FGF7: variants seen among roughly 807,000 people sequenced by gnomAD.
FGF7 encodes the protein FGF-7.
In FGF7, 6 loss-of-function variants were observed where a neutral mutation model predicts 20.5. The observed-to-expected ratio is 0.29, with a 90% CI of 0.16 to 0.58. The LOEUF (loss-of-function observed/expected upper bound fraction) is 0.58. Among genes scored for constraint, FGF7 ranks in the 20% least tolerant of loss-of-function variants. The probability of loss-of-function intolerance (pLI) is 0.90; values close to 1 mark genes in which losing one functional copy is unlikely to be tolerated. For missense variants in FGF7, 144 were observed against 228.8 expected (o/e 0.63, Z 2.39); for synonymous variants, 64 against 74.7 (o/e 0.86, Z 0.74).
intron 2 of FGF7, among the ~76,000 whole-genome samples, chr15:49,438,658 G>A (rs2051330504): frequency 6.6e-6 from 1 of 151,668 alleles, no homozygotes; most frequent in African/African-American, 2.4e-5. Flanking sequence ...TATGGAACCT[G>A]GGTGTTAATC....
intron 2 of FGF7, among the ~76,000 whole-genome samples, chr15:49,458,646 C>G (rs1202520705): frequency 6.6e-6 from 1 of 152,050 alleles, no homozygotes; most frequent in Non-Finnish European, 1.5e-5. Context: ...TTCTGACTTT[C>G]ATACAAATGG....
chr15:49,454,830 C>T (rs570948342), intron 2 of FGF7, among the ~76,000 whole-genome samples: 2 of 152,134 alleles, frequency 1.3e-5, no homozygotes, highest in East Asian at 1.9e-4. Context: ...AGGATGGTCT[C>T]GATCTCCTGA....
At chr15:49,457,556 A>C (rs1442238017) in intron 2 of FGF7, among the ~76,000 whole-genome samples, 2 of 152,018 alleles carry the variant, frequency 1.3e-5, no homozygotes, top group Non-Finnish European at 2.9e-5. Context: ...AATTCCTTAG[A>C]GAACAGAAAC....
Position 49,480,619 on chromosome 15 carries a change from T to C in FGF7, c.287-2532T>C, listed in dbSNP as rs145777461. Reference sequence around the variant, plus strand: ...GCTTCAGCCTCCTGAGTAGCTGGGATTACAGGCACCCGCCACCACACCCGG... The same window carrying C: ...GCTTCAGCCTCCTGAGTAGCTGGGACTACAGGCACCCGCCACCACACCCGG... On this transcript the variant is annotated intron_variant, in intron 2 of 3. Coordinates refer to ENST00000267843, the MANE Select transcript of FGF7 (RefSeq NM_002009.4). Among the ~76,000 whole-genome samples the C allele has an allele frequency of 9.7e-3, 1,474 of 151,940 alleles. 24 individuals are homozygous for C. Among genetic ancestry groups the C allele is most frequent in the African/African-American group, 0.034 (1,416 of 41,438 alleles).
At chr15:49,476,969 G>A (rs1252856782) in intron 2 of FGF7, among the ~76,000 whole-genome samples, 1 of 151,392 alleles carries the variant, frequency 6.6e-6, no homozygotes, top group Non-Finnish European at 1.5e-5. Flanking sequence ...CTGAGGCAGG[G>A]AAATGGTGCA....
chr15:49,436,440 T>C (rs559469270), intron 2 of FGF7, among the ~76,000 whole-genome samples: 1 of 151,576 alleles, frequency 6.6e-6, no homozygotes, highest in Non-Finnish European at 1.5e-5. Context: ...ACTAAAAGAC[T>C]GTGTAGAGGA....
At chr15:49,441,883 C>A (rs1464381884) in intron 2 of FGF7, among the ~76,000 whole-genome samples, 1 of 150,970 alleles carries the variant, frequency 6.6e-6, no homozygotes, top group East Asian at 2.0e-4. Context: ...AGGGAGCAAC[C>A]TTCTCATTGT....
At chr15:49,453,994 T>C (rs2053029468) in intron 2 of FGF7, among the ~76,000 whole-genome samples, 1 of 152,144 alleles carries the variant, frequency 6.6e-6, no homozygotes. Context: ...ATTTTAATAT[T>C]CTCTTAAACT....
intron 2 of FGF7, among the ~76,000 whole-genome samples, chr15:49,447,378 A>C (rs1213565859): frequency 5.9e-5 from 9 of 151,672 alleles, no homozygotes; most frequent in Admixed American, 5.3e-4. Flanking sequence ...GAAGTAAGCA[A>C]AGATCACAGA....
rs2056291194 is a variant in FGF7 at position 49,485,031 on chromosome 15, C to T, written c.*527C>T. 6.6e-6 allele frequency: 1 copy of T among 151,664 alleles called. No individual in the cohort carries two copies. The highest frequency in any genetic ancestry group is 1.5e-5 in the Non-Finnish European group (1 of 67,878). The allele number at this position is 151,664 out of a possible 1,614,324, so 9.4% of individuals were successfully genotyped here. On this transcript the variant is annotated 3_prime_UTR_variant, in exon 4 of 4. Transcript: ENST00000267843. ...TGAAAAATTATAATCTACTTAAACT[C>T]TAATCAGAAAAAAAATTCTCAAAAA...
At chr15:49,481,585 T>C (rs973100053) in intron 2 of FGF7, among the ~76,000 whole-genome samples, 6 of 152,186 alleles carry the variant, frequency 3.9e-5, no homozygotes, top group African/African-American at 1.4e-4. Context: ...TTCTCTAGCC[T>C]ATTCAGGCCT....
Position 49,450,636 on chromosome 15 carries a change from G to A in FGF7, c.286+26053G>A, listed in dbSNP as rs114838045. On this transcript the variant is annotated intron_variant, in intron 2 of 3. Transcript: ENST00000267843. ...AATTCAAGGGCTGCAGCCAGCAAGA[G>A]TCTGGATAAGAAAGACATTTCAGAG... Among the ~76,000 whole-genome samples the A allele has an allele frequency of 5.6e-3, 848 of 152,242 alleles. 6 individuals carry two copies. The highest frequency in any genetic ancestry group is 0.019 in the African/African-American group (808 of 41,560).
rs528820345 is a variant in FGF7, at chr15:49,453,642, C to T, written c.286+29059C>T. Reference sequence around the variant, plus strand: ...ACCATATTTTTCTGCTCATACATTCCGAGGTAATTGTATCTAGACTCATGA... The same window carrying T: ...ACCATATTTTTCTGCTCATACATTCTGAGGTAATTGTATCTAGACTCATGA... On this transcript the variant is annotated intron_variant, in intron 2 of 3. Transcript: ENST00000267843. Among the ~76,000 whole-genome samples, 154 of 152,150 alleles carry T rather than the reference C, an allele frequency of 1.0e-3. 5 individuals carry two copies. The South Asian group carries it at 0.027, about 27-fold the overall frequency.
At position 49,447,271 on chromosome 15, in the gene FGF7, A is replaced by G. The variant is rs141978680; in HGVS notation, c.286+22688A>G. Among the ~76,000 whole-genome samples the G allele has an allele frequency of 3.7e-3, 555 of 151,820 alleles. 4 individuals carry two copies. The highest frequency in any genetic ancestry group is 0.013 in the African/African-American group (530 of 41,524). ...TACTTGTAAGAGCTTGAGAATATTA[A>G]CTAAGAAACTCTGTAACATGGCTGG... On this transcript the variant is annotated intron_variant, in intron 2 of 3. Transcript: ENST00000267843.
chr15:49,452,980 C>T (rs931466990), intron 2 of FGF7, among the ~76,000 whole-genome samples: 2 of 151,898 alleles, frequency 1.3e-5, no homozygotes, highest in African/African-American at 4.8e-5. Context: ...TCCATAGGGC[C>T]CAAATTCACA....
intron 2 of FGF7, among the ~76,000 whole-genome samples, chr15:49,463,252 C>A (rs77324001): frequency 0.017 from 2,608 of 152,204 alleles, 89 homozygotes; most frequent in African/African-American, 0.06. Context: ...CCATCCTCTA[C>A]AGAATAAAAA....
chr15:49,443,035 T>C (rs1425874164), intron 2 of FGF7, among the ~76,000 whole-genome samples: 1 of 151,724 alleles, frequency 6.6e-6, no homozygotes, highest in Admixed American at 6.6e-5. Context: ...TATTAAGTGT[T>C]TGAAAATATG....
chr15:49,431,766 C>G (rs2050644013), intron 2 of FGF7, among the ~76,000 whole-genome samples: 1 of 151,672 alleles, frequency 6.6e-6, no homozygotes, highest in Non-Finnish European at 1.5e-5. Flanking sequence ...GATTTTAAAT[C>G]TTCTGTAAAC....
chr15:49,482,170 A>G (rs1221779398), intron 2 of FGF7, among the ~76,000 whole-genome samples: 1 of 152,146 alleles, frequency 6.6e-6, no homozygotes, highest in African/African-American at 2.4e-5. Flanking sequence ...AGAAAATGTA[A>G]TTAATAGCAA....
Sources: gnomAD v4.1 joint callset for allele counts (sites outside exome capture counted in the v4.1 genomes callset) on GRCh38, gnomAD v4.1.1 for gene constraint, MANE v1.5 for transcripts, NCBI Gene and HGNC (gene_info 2026-07-23, HGNC 2026-07-21) for gene names.